Variants in TG observed in about 807,000 individuals in gnomAD.
TG encodes thyroid hormones.
A neutral mutation model predicts 324.7 loss-of-function variants in TG; 270 were observed. The ratio of observed to expected loss-of-function variants is 0.83; its 90% CI spans 0.75 to 0.92. The LOEUF is 0.92. Among genes scored for constraint, TG ranks in the 40% least tolerant of loss-of-function variants. The pLI is 0.00. For missense variants in TG, 3,591 were observed against 3,456.4 expected, an observed-to-expected ratio of 1.04 and a Z score of -0.98; for synonymous variants, 1,401 against 1,327.0, an observed-to-expected ratio of 1.06 and a Z score of -1.21.
intron 23 of TG, among the ~76,000 whole-genome samples, chr8:132,933,312 G>GTGTTTGGAGC (rs1215267874): frequency 6.6e-6 from 1 of 151,318 alleles, no homozygotes; most frequent in Non-Finnish European, 1.5e-5. Context: ...GTATATTTGT[G>GTGTTTGGAGC]TGTGTCTGTG....
intron 36 of TG, 74 bp downstream of exon 36, chr8:133,012,109 A>C (rs1834565642): frequency 6.3e-7 from 1 of 1,597,152 alleles, no homozygotes. Context: ...TTCTCAACTT[A>C]GAAAAACACA....
chr8:132,913,289 A>G, intron 20 of TG, 24 bp downstream of exon 20: 3 of 1,610,608 alleles, frequency 1.9e-6, no homozygotes, highest in Non-Finnish European at 2.5e-6. Flanking sequence ...CTCCCTGGAT[A>G]TCTCCTGTGG....
At chr8:132,906,592 C>A in intron 16 of TG, 96 bp from the exon 17 acceptor site, 1 of 1,399,338 alleles carries the variant, frequency 7.1e-7, no homozygotes, top group Non-Finnish European at 1.0e-6. Flanking sequence ...GGAGGAGGGC[C>A]CAGTGTGAGT....
intron 27 of TG, among the ~76,000 whole-genome samples, chr8:132,960,036 A>C (rs1337177374): frequency 1.3e-5 from 2 of 152,152 alleles, no homozygotes; most frequent in Non-Finnish European, 1.5e-5. Flanking sequence ...AATGGTAATA[A>C]CTGTTTATCA....
chr8:132,986,532 T>A (rs1181194818), intron 35 of TG, among the ~76,000 whole-genome samples: 1 of 152,140 alleles, frequency 6.6e-6, no homozygotes, highest in Non-Finnish European at 1.5e-5. Flanking sequence ...CTCACGATGC[T>A]CACCTTCTAG....
chr8:133,109,516 G>GT (rs1273498637), intron 43 of TG, among the ~76,000 whole-genome samples: 1 of 152,198 alleles, frequency 6.6e-6, no homozygotes, highest in Non-Finnish European at 1.5e-5. Flanking sequence ...CAGCAGCCTA[G>GT]TTCTCAGGAG....
At chr8:133,052,545 A>G (rs1479276432) in intron 41 of TG, among the ~76,000 whole-genome samples, 1 of 152,226 alleles carries the variant, frequency 6.6e-6, no homozygotes, top group African/African-American at 2.4e-5. Context: ...GCTCCCTCAC[A>G]TTCTGCTTTG....
intron 17 of TG, 100 bp downstream of exon 17, chr8:132,907,000 A>G (rs1026958932): frequency 2.4e-6 from 3 of 1,239,084 alleles, no homozygotes; most frequent in Non-Finnish European, 3.4e-6. Context: ...CCCCACCCAA[A>G]TGTAGCACGC....
chr8:133,025,657 T>C (rs1300469407), intron 40 of TG, among the ~76,000 whole-genome samples: 1 of 152,202 alleles, frequency 6.6e-6, no homozygotes, highest in Non-Finnish European at 1.5e-5. Flanking sequence ...CCTGATGTCC[T>C]GGACCCACCG....
intron 16 of TG, among the ~76,000 whole-genome samples, chr8:132,905,091 G>A (rs1360956798): frequency 1.3e-5 from 2 of 152,138 alleles, no homozygotes; most frequent in Admixed American, 6.5e-5. Context: ...GCTCTTAATG[G>A]TGTACCTGGC....
Position 132,997,071 on chromosome 8 carries a change from T to C in TG, c.6262+13659T>C, listed in dbSNP as rs113040201. Among the ~76,000 whole-genome samples, 269 of 152,356 alleles carry C rather than the reference T, an allele frequency of 1.8e-3. 2 individuals are homozygous for C. Among genetic ancestry groups the C allele is most frequent in the African/African-American group, 6.3e-3 (260 of 41,588 alleles). ...TTGCTGCAGGGACAATATTCACTTG[T>C]AATGGTAGAATCTGAAATTTATATT... On this transcript the variant is annotated intron_variant, in intron 35 of 47. Coordinates refer to ENST00000220616, the MANE Select transcript of TG (RefSeq NM_003235.5).
chr8:133,066,402 G>A (rs1338871941), intron 41 of TG, among the ~76,000 whole-genome samples: 3 of 151,842 alleles, frequency 2.0e-5, no homozygotes, highest in Non-Finnish European at 4.4e-5. Context: ...TACTAGCTGT[G>A]CTTTTAGAAT....
intron 41 of TG, chr8:133,063,532 C>T (rs966494760): frequency 6.6e-6 from 1 of 151,596 alleles, no homozygotes; most frequent in African/African-American, 2.4e-5. Flanking sequence ...TTTAAACTTG[C>T]ATTGTTGAGA....
intron 20 of TG, among the ~76,000 whole-genome samples, chr8:132,918,624 G>C (rs1375114721): frequency 1.3e-5 from 2 of 152,178 alleles, no homozygotes; most frequent in Non-Finnish European, 2.9e-5. Flanking sequence ...GAGGGAGGTG[G>C]CTGGATTGGT....
At chr8:132,971,894 C>T in intron 33 of TG, 21 bp downstream of exon 33, 2 of 1,518,064 alleles carry the variant, frequency 1.3e-6, no homozygotes, top group Non-Finnish European at 1.8e-6. Flanking sequence ...TAACAACTTC[C>T]TCTCCCCTGC....
chr8:133,116,513 G>T lies in TG; in HGVS notation c.7755-96G>T, dbSNP rs564951334. On this transcript the variant is annotated intron_variant, in intron 44 of 47. Transcript: ENST00000220616. Reference sequence around the variant, plus strand: ...TAGGCCTGGCAGGGGTGGGTTGGGGGCCCAGGGGGCCCCTTGCTGGGAGAA... The same window carrying T: ...TAGGCCTGGCAGGGGTGGGTTGGGGTCCCAGGGGGCCCCTTGCTGGGAGAA... 70 of 1,123,822 alleles carry T rather than the reference G, an allele frequency of 6.2e-5. No individual in the cohort carries two copies. In the East Asian group the frequency reaches 6.6e-4, roughly 11 times the overall value. 69.6% of individuals were successfully genotyped at this position (1,123,822 alleles called of 1,614,324 possible).
Position 132,886,610 on chromosome 8 carries a change from AG to A in TG, c.1240del (p.Glu414SerfsTer65). 1.2e-6 allele frequency: 2 copies of A among 1,614,188 alleles called. No homozygotes were observed. The highest frequency in any genetic ancestry group is 8.5e-7 in the Non-Finnish European group (1 of 1,180,042). ...GCCACATCCTGCCCACCCACGATCA[AG>A]GAGCTCTTTGTGGACTCTGGGCTTC... is the stretch of plus-strand genomic sequence containing the variant. ...RFATSCPPTIKELFVDSGLLR... is the reference protein window; with the variant it reads ...RFATSCPPTIXELFVDSGLLR... On this transcript the variant is annotated frameshift_variant, in exon 9 of 48. Coordinates refer to ENST00000220616, the MANE Select transcript of TG (RefSeq NM_003235.5). LOFTEE classifies it high-confidence loss of function.
intron 21 of TG, 105 bp from the exon 22 acceptor site, chr8:132,923,233 A>T: frequency 1.6e-6 from 2 of 1,231,610 alleles, no homozygotes; most frequent in Non-Finnish European, 2.4e-6. Flanking sequence ...TGTCTGAGTT[A>T]GATGTGTGAC....
intron 43 of TG, among the ~76,000 whole-genome samples, chr8:133,096,581 C>T (rs994067846): frequency 6.6e-6 from 1 of 152,194 alleles, no homozygotes; most frequent in African/African-American, 2.4e-5. Context: ...CCACAAATTA[C>T]AGCTGTGAAT....
Sources: allele counts gnomAD v4.1 joint callset (sites outside exome capture counted in the v4.1 genomes callset), GRCh38; gene constraint gnomAD v4.1.1; transcripts MANE v1.5; gene names NCBI Gene and HGNC (gene_info 2026-07-23, HGNC 2026-07-21).